The following ACOT12 variants were observed in gnomAD, a reference collection of about 807,000 sequenced individuals.
ACOT12 encodes acetyl-coenzyme A thioesterase.
A neutral mutation model predicts 67.7 loss-of-function variants in ACOT12; 51 were observed. That is an observed-to-expected ratio of 0.75 (90% confidence interval 0.60 to 0.95). The LOEUF (loss-of-function observed/expected upper bound fraction) is 0.95. ACOT12 is among the 40% of genes least tolerant of loss of function. The pLI is 0.00. For synonymous variants in ACOT12, 251 were observed against 244.6 expected (o/e 1.03, Z -0.24); for missense variants, 734 against 708.1 (o/e 1.04, Z -0.41).
At chr5:81,311,943 C>CG in the ACOT12 span, among the ~76,000 whole-genome samples, 2 of 151,936 alleles carry the variant, frequency 1.3e-5, no homozygotes, top group African/African-American at 4.8e-5. Flanking sequence ...GGAAAGAGCA[C>CG]TTTTTTTTAT....
intron 3 of ACOT12, among the ~76,000 whole-genome samples, chr5:81,370,595 G>A (rs1760219325): frequency 1.3e-5 from 2 of 152,228 alleles, no homozygotes; most frequent in Non-Finnish European, 1.5e-5. Context: ...GGGTGATGCA[G>A]TGGAAGCCAA....
chr5:81,330,021 AT>A lies in ACOT12; in HGVS notation c.*372del, dbSNP rs941168717. 3.7e-4 allele frequency: 57 copies of A among 155,582 alleles called. No homozygotes were observed. The highest frequency in any genetic ancestry group is 9.2e-4 in the East Asian group (5 of 5,458). 9.6% of individuals were successfully genotyped at this position (155,582 alleles called of 1,614,324 possible). A position where few individuals can be genotyped will look rare whatever the true frequency, so the allele number is the denominator to read the frequency against. ...TTAGCAAATCATTTTAGATTTTATA[AT>A]TTTTTTTTTGGAATTTCACACAGAA... On this transcript the variant is annotated 3_prime_UTR_variant, in exon 15 of 15. Coordinates refer to ENST00000307624, the MANE Select transcript of ACOT12 (RefSeq NM_130767.3).
intron 11 of ACOT12, among the ~76,000 whole-genome samples, chr5:81,336,810 G>GA: frequency 6.6e-6 from 1 of 152,202 alleles, no homozygotes; most frequent in East Asian, 1.9e-4. Context: ...TCAAGCAGAT[G>GA]GGAAAAATCA....
intron 5 of ACOT12, among the ~76,000 whole-genome samples, chr5:81,358,363 G>GT (rs1480013947): frequency 1.3e-5 from 2 of 152,128 alleles, no homozygotes; most frequent in South Asian, 2.1e-4. Flanking sequence ...GCAGGGTTTT[G>GT]TTTTTTATTA....
chr5:81,383,975 T>C (rs929436639), intron 2 of ACOT12, among the ~76,000 whole-genome samples: 4 of 152,040 alleles, frequency 2.6e-5, no homozygotes, highest in African/African-American at 9.7e-5. Flanking sequence ...CCTAAGTGTG[T>C]GGTATTTATA....
chr5:81,389,804 GGTGTGAGCCACCAGGCC>G (rs1760817445), intron 1 of ACOT12, among the ~76,000 whole-genome samples: 7 of 151,908 alleles, frequency 4.6e-5, no homozygotes, highest in South Asian at 2.1e-4. Flanking sequence ...TGGGATTACA[GGTGTGAGCCACCAGGCC>G]CAGCCTGTAT....
intron 5 of ACOT12, among the ~76,000 whole-genome samples, chr5:81,350,699 G>C (rs577974409): frequency 1.6e-4 from 25 of 152,254 alleles, no homozygotes; most frequent in African/African-American, 6.0e-4. Flanking sequence ...AGCCCAGACA[G>C]GTCATGTGAC....
Position 81,371,814 on chromosome 5 carries a change from G to C in ACOT12, c.198-4C>G. 1 of 1,613,638 alleles carries C rather than the reference G, an allele frequency of 6.2e-7. No homozygotes were observed. Reference sequence around the variant, plus strand: ...GATGGTTATAACTTGTCCAACTCTAGGGAAAAACAAACAAAAAAACCTCAG... The same window carrying C: ...GATGGTTATAACTTGTCCAACTCTACGGAAAAACAAACAAAAAAACCTCAG... On this transcript the variant is annotated splice_polypyrimidine_tract_variant and splice_region_variant and intron_variant, in intron 2 of 14. Coordinates refer to ENST00000307624, the MANE Select transcript of ACOT12 (RefSeq NM_130767.3).
chr5:81,390,904 CT>C (rs1760845731), intron 1 of ACOT12, among the ~76,000 whole-genome samples: 1 of 152,210 alleles, frequency 6.6e-6, no homozygotes, highest in Non-Finnish European at 1.5e-5. Context: ...ATCATCTTTT[CT>C]CTTAAGAATA....
chr5:81,389,782 C>T (rs1054614140), intron 1 of ACOT12, among the ~76,000 whole-genome samples: 3 of 152,182 alleles, frequency 2.0e-5, no homozygotes, highest in East Asian at 1.9e-4. Context: ...CTGCCTCAGC[C>T]TCCCAAAGTA....
At chr5:81,311,583 C>T in the ACOT12 span, among the ~76,000 whole-genome samples, 2 of 152,076 alleles carry the variant, frequency 1.3e-5, no homozygotes, top group Non-Finnish European at 2.9e-5. Context: ...CTGTTACTTA[C>T]AGAAAAATAT....
chr5:81,308,827 A>G, the ACOT12 span: 1 of 1,407,632 alleles, frequency 7.1e-7, no homozygotes, highest in Non-Finnish European at 9.5e-7. Context: ...TGGAAATCAT[A>G]TGAGATTAAA....
the ACOT12 span, among the ~76,000 whole-genome samples, chr5:81,314,222 A>G: frequency 6.6e-6 from 1 of 152,044 alleles, no homozygotes; most frequent in Non-Finnish European, 1.5e-5. Flanking sequence ...CTCCTGCCTC[A>G]GCCTCCTGAG....
chr5:81,390,201 A>G (rs557035267), intron 1 of ACOT12, among the ~76,000 whole-genome samples: 3 of 151,426 alleles, frequency 2.0e-5, no homozygotes, highest in Admixed American at 2.0e-4. Flanking sequence ...GGCTCAAACC[A>G]TCCTCCTACC....
chr5:81,341,969 A>G (rs1274330305), intron 11 of ACOT12, among the ~76,000 whole-genome samples: 1 of 152,214 alleles, frequency 6.6e-6, no homozygotes, highest in East Asian at 1.9e-4. Flanking sequence ...AAGATAGTGT[A>G]TAATTAATTG....
chr5:81,348,629 A>G lies in ACOT12; in HGVS notation c.497-699T>C, dbSNP rs143246661. Among the ~76,000 whole-genome samples, 1,352 of 152,172 alleles carry G rather than the reference A, an allele frequency of 8.9e-3. 15 individuals carry two copies. Among genetic ancestry groups the G allele is most frequent in the African/African-American group, 0.031 (1,292 of 41,508 alleles). On this transcript the variant is annotated intron_variant, in intron 5 of 14. Coordinates refer to ENST00000307624, the MANE Select transcript of ACOT12 (RefSeq NM_130767.3). ...ATCCAGGCTGGAGTGCAGTGGTGCG[A>G]TCTCAGCTCACTGCAACCTCAGCCT...
In ACOT12 at chr5:81,375,869, G is replaced by T. The variant is rs530578358; in HGVS notation, c.198-4059C>A. Among the ~76,000 whole-genome samples the T allele has an allele frequency of 6.6e-5, 10 of 152,206 alleles. No individual in the cohort carries two copies. The East Asian group carries it at 1.9e-3, about 29-fold the overall frequency. ...TCTTAGAGACCTACAAAGAGACTTAGACTCCCACACAATAATAGTGGGAGA... is the reference window on the plus strand; with the variant it reads ...TCTTAGAGACCTACAAAGAGACTTATACTCCCACACAATAATAGTGGGAGA... On this transcript the variant is annotated intron_variant, in intron 2 of 14. Coordinates refer to ENST00000307624, the MANE Select transcript of ACOT12 (RefSeq NM_130767.3).
intron 6 of ACOT12, among the ~76,000 whole-genome samples, chr5:81,346,641 C>G (rs1218265131): frequency 6.6e-6 from 1 of 152,158 alleles, no homozygotes; most frequent in East Asian, 1.9e-4. Flanking sequence ...TCTGTGCCAA[C>G]ACCAAGCGAA....
At chr5:81,372,312 T>C (rs1760279798) in intron 2 of ACOT12, among the ~76,000 whole-genome samples, 1 of 152,206 alleles carries the variant, frequency 6.6e-6, no homozygotes. Context: ...ACTTCGATCA[T>C]GTAACCTGAA....
Sources: gnomAD v4.1 joint callset for allele counts (sites outside exome capture counted in the v4.1 genomes callset) on GRCh38, gnomAD v4.1.1 for gene constraint, MANE v1.5 for transcripts, NCBI Gene and HGNC (gene_info 2026-07-23, HGNC 2026-07-21) for gene names.